The following HSPG2 variants were observed in gnomAD, a reference collection of about 807,000 sequenced individuals.
The protein encoded by HSPG2 is heparan sulfate proteoglycan 2.
A neutral mutation model predicts 526.6 loss-of-function variants in HSPG2; 278 were observed. The ratio of observed to expected loss-of-function variants is 0.53; its 90% CI spans 0.48 to 0.58. HSPG2 has a LOEUF of 0.58. HSPG2 is among the 20% of genes least tolerant of loss of function. The probability of loss-of-function intolerance (pLI) is 0.00; values close to 1 mark genes in which losing one functional copy is unlikely to be tolerated. For synonymous variants in HSPG2, 2,465 were observed against 2,555.4 expected (o/e 0.96, Z 1.07); for missense variants, 5,354 against 6,099.5 (o/e 0.88, Z 4.07).
chr1:21,914,358 C>T (rs1361484458), intron 1 of HSPG2, among the ~76,000 whole-genome samples: 1 of 151,860 alleles, frequency 6.6e-6, no homozygotes, highest in African/African-American at 2.4e-5. Context: ...CACCCAGGCA[C>T]CAGGAGCAGC....
chr1:21,865,340 G>C lies in HSPG2; in HGVS notation c.4340C>G (p.Ser1447Cys). 6.2e-7 allele frequency: 1 copy of C among 1,614,140 alleles called. No individual in the cohort carries two copies. Among genetic ancestry groups the C allele is most frequent in the Non-Finnish European group, 8.5e-7 (1 of 1,180,020 alleles). ...CTCAGGGCCCTGCAGCGCTGGCTGG[G>C]AGGCCACTAGCATGATGTTGTTGCC... is the stretch of plus-strand genomic sequence containing the variant. ...ITGNNIMLVA[S>C]QPALQGPERR... is the part of the protein sequence containing the mutation. Residue 1447 changes from serine to cysteine, a missense_variant, in exon 35 of 97, where the codon TCC becomes TGC. Transcript: ENST00000374695. The surrounding 1 kb of genome is among the most constrained non-coding windows in gnomAD (Gnocchi z 5.4).
intron 1 of HSPG2, among the ~76,000 whole-genome samples, chr1:21,923,922 C>G (rs751831734): frequency 6.6e-6 from 1 of 152,148 alleles, no homozygotes; most frequent in Non-Finnish European, 1.5e-5. Context: ...CTTGGGATCA[C>G]GTAAGAGTTT....
intron 1 of HSPG2, among the ~76,000 whole-genome samples, chr1:21,935,237 G>C (rs553305211): frequency 2.0e-5 from 3 of 152,312 alleles, no homozygotes; most frequent in East Asian, 1.9e-4. Flanking sequence ...TTTATAAAGA[G>C]ACTTCAGGGG....
At position 21,847,428 on chromosome 1, in the gene HSPG2, C is replaced by T. The variant is rs757800931; in HGVS notation, c.8090G>A (p.Arg2697Gln). ...SVADSGEYVC[R>Q]ANNNIDALEA... ...CAGGGCATCGATGTTGTTGTTGGCC[C>T]GGCACACATACTCGCCCGAGTCAGC... is the stretch of plus-strand genomic sequence containing the variant. Residue 2697 changes from arginine (R) to glutamine (Q), a missense_variant, in exon 62 of 97, where the codon CGG (arginine) becomes CAG (glutamine). Coordinates refer to ENST00000374695, the MANE Select transcript of HSPG2 (RefSeq NM_005529.7). This position sits in a 1 kb window ranked among gnomAD's most constrained non-coding sequence, Gnocchi z 4.1. 1.2e-5 allele frequency: 20 copies of T among 1,613,800 alleles called. No homozygotes were observed. The highest frequency in any genetic ancestry group is 3.3e-5 in the Admixed American group (2 of 60,000).
At position 21,865,138 on chromosome 1, in the gene HSPG2, C is replaced by T. The variant is rs1159914919; in HGVS notation, c.4396-65G>A. ...TTGTGGGCTGCTCCTACAGTTACCA[C>T]CCCCCAAATCCTGCCTTACAGGCAC... On this transcript the variant is annotated intron_variant, in intron 35 of 96. Transcript: ENST00000374695. The surrounding 1 kb of genome is among the most constrained non-coding windows in gnomAD (Gnocchi z 5.4). 6.6e-7 allele frequency: 1 copy of T among 1,522,384 alleles called. No homozygotes were observed. The highest frequency in any genetic ancestry group is 9.0e-7 in the Non-Finnish European group (1 of 1,105,884). 94.3% of individuals were successfully genotyped at this position (1,522,384 alleles called of 1,614,324 possible).
At chr1:21,832,948 G>C in intron 80 of HSPG2, 1 of 556,954 alleles carries the variant, frequency 1.8e-6, no homozygotes, top group Non-Finnish European at 3.2e-6. Context: ...GGAGGAAAGG[G>C]TGAGATGGAG....
At chr1:21,931,204 C>G (rs1363797466) in intron 1 of HSPG2, among the ~76,000 whole-genome samples, 1 of 152,262 alleles carries the variant, frequency 6.6e-6, no homozygotes, top group East Asian at 1.9e-4. Flanking sequence ...GCCACCCCAG[C>G]AGCCACGAGC....
chr1:21,845,084 A>G (rs1440719733), intron 64 of HSPG2, among the ~76,000 whole-genome samples: 1 of 152,132 alleles, frequency 6.6e-6, no homozygotes, highest in Non-Finnish European at 1.5e-5. Context: ...CGTCTCTACT[A>G]AAAATACAAA....
In HSPG2 at chr1:21,833,519, G is replaced by A. The variant is rs547123067; in HGVS notation, c.10926C>T (p.Thr3642=). 45 of 1,614,132 alleles carry A rather than the reference G, an allele frequency of 2.8e-5. No homozygotes were observed. Among genetic ancestry groups the A allele is most frequent in the Admixed American group, 5.0e-5 (3 of 60,014 alleles). The change falls in exon 79 of 97, where the codon ACC becomes ACT. Residue 3642 remains threonine, a synonymous_variant. Transcript: ENST00000374695. The part of the protein sequence containing the change: ...RPQDAGTYVC[T]ATNRQGKVKA... ...TGACCTTGCCCTGGCGGTTAGTGGCGGTGCAGACGTAGGTACCTGCGTCCT... is the reference window on the plus strand; with the variant it reads ...TGACCTTGCCCTGGCGGTTAGTGGCAGTGCAGACGTAGGTACCTGCGTCCT...
rs183830147 is a variant in HSPG2, at chr1:21,890,340, G to A, written c.413+87C>T. ...CGACTCATCCCATAGGCCTTTCCGC[G>A]GTGCCAGGCTTCCTTCCCATCCTCA... On this transcript the variant is annotated intron_variant, in intron 5 of 96. Transcript: ENST00000374695. The surrounding 1 kb of genome is among the most constrained non-coding windows in gnomAD (Gnocchi z 4.1). 15 of 1,402,616 alleles carry A rather than the reference G, an allele frequency of 1.1e-5. No homozygotes were observed. The highest frequency in any genetic ancestry group is 3.5e-5 in the South Asian group (3 of 86,828). The allele number at this position is 1,402,616 out of a possible 1,614,324, so 86.9% of individuals were successfully genotyped here.
chr1:21,848,063 C>T lies in HSPG2; in HGVS notation c.7768G>A (p.Val2590Met). 6.2e-7 allele frequency: 1 copy of T among 1,612,086 alleles called. No individual in the cohort carries two copies. The highest frequency in any genetic ancestry group is 1.3e-5 in the African/African-American group (1 of 74,996). Residue 2590 changes from valine (V) to methionine (M), a missense_variant, in exon 60 of 97, where the codon GTG (valine) becomes ATG (methionine). Physicochemically the swap from Val to Met is conservative, Grantham distance 21. Transcript: ENST00000374695. This position sits in a 1 kb window ranked among gnomAD's most constrained non-coding sequence, Gnocchi z 4.9. ...IVGSRLRIPQ[V>M]TPADSGEYVC... ...TACTCGCCCGAGTCTGCCGGAGTCA[C>T]CTGAGGGATCCGCAGCCGGGAGCCC... is the stretch of plus-strand genomic sequence containing the variant.
rs764619079 is a variant in HSPG2, at chr1:21,829,465, C to G, written c.11910G>C (p.Gly3970=). The change falls in exon 87 of 97, where the codon GGG becomes GGC. Residue 3970 remains glycine, a synonymous_variant. Coordinates refer to ENST00000374695, the MANE Select transcript of HSPG2 (RefSeq NM_005529.7). ...AGTCCTCCACAGGCCCGCTCTTCCCCCCGCTGAACAGCAGGACCCCGTCAG... is the reference window on the plus strand; with the variant it reads ...AGTCCTCCACAGGCCCGCTCTTCCCGCCGCTGAACAGCAGGACCCCGTCAG... ...LAPDGVLLFS[G]GKSGPVEDFV... is the part of the protein sequence containing the mutation. 5 of 1,613,278 alleles carry G rather than the reference C, an allele frequency of 3.1e-6. No individual in the cohort carries two copies. In the South Asian group the frequency reaches 4.4e-5, roughly 14 times the overall value.
At chr1:21,910,462 C>T (rs1185149376) in intron 1 of HSPG2, among the ~76,000 whole-genome samples, 1 of 152,236 alleles carries the variant, frequency 6.6e-6, no homozygotes, top group African/African-American at 2.4e-5. Flanking sequence ...TCAACTCTGC[C>T]ATCGATCTTC....
chr1:21,872,208 G>A lies in HSPG2; in HGVS notation c.4199C>T (p.Pro1400Leu), dbSNP rs374895557. 12 of 1,551,726 alleles carry A rather than the reference G, an allele frequency of 7.7e-6. No homozygotes were observed. The highest frequency in any genetic ancestry group is 1.2e-5 in the South Asian group (1 of 84,076). ...LGHESFYWQL[P>L]ETYQGDKVAA... is the part of the protein sequence containing the mutation. Reference sequence around the variant, plus strand: ...CACCTTGTCTCCCTGGTATGTCTCCGGCAGCTGCCAGTAGAAGGACTCATG... The same window carrying A: ...CACCTTGTCTCCCTGGTATGTCTCCAGCAGCTGCCAGTAGAAGGACTCATG... Residue 1400 changes from proline (P) to leucine (L), a missense_variant, in exon 33 of 97, where the codon CCG (proline) becomes CTG (leucine). By Grantham distance (98) the Pro-to-Leu change is moderately conservative (BLOSUM62 -3). Transcript: ENST00000374695. This position sits in a 1 kb window ranked among gnomAD's most constrained non-coding sequence, Gnocchi z 5.5.
At chr1:21,889,691 G>A in intron 6 of HSPG2, 1 of 447,154 alleles carries the variant, frequency 2.2e-6, no homozygotes, top group Non-Finnish European at 4.1e-6. Context: ...AAGTACTAAT[G>A]TGTTTTGGAC....
Position 21,848,985 on chromosome 1 carries a change from G to C in HSPG2, c.7493C>G (p.Ser2498Ter). 1.2e-6 allele frequency: 2 copies of C among 1,614,080 alleles called. No homozygotes were observed. Among genetic ancestry groups the C allele is most frequent in the Non-Finnish European group, 1.7e-6 (2 of 1,180,028 alleles). Reference sequence around the variant, plus strand: ...GACCACACGGCACACGTACTCCCCTGAATCAGCTGGGGTCACCTGGAGCAG... The same window carrying C: ...GACCACACGGCACACGTACTCCCCTCAATCAGCTGGGGTCACCTGGAGCAG... ...LRLLQVTPAD[S>*]GEYVCRVVGS... is the part of the protein sequence containing the mutation. Residue 2498 changes from serine (S) to a stop codon, truncating the protein, a stop_gained, in exon 58 of 97, where the codon TCA becomes TGA. Coordinates refer to ENST00000374695, the MANE Select transcript of HSPG2 (RefSeq NM_005529.7). LOFTEE classifies it high-confidence loss of function. This position sits in a 1 kb window ranked among gnomAD's most constrained non-coding sequence, Gnocchi z 4.9.
At chr1:21,906,064 G>A (rs1038286613) in intron 1 of HSPG2, among the ~76,000 whole-genome samples, 3 of 152,212 alleles carry the variant, frequency 2.0e-5, no homozygotes, top group South Asian at 2.1e-4. Flanking sequence ...AGGAGCCTGA[G>A]GCTCAGAGAG....
chr1:21,935,744 A>G (rs1644471856), intron 1 of HSPG2, among the ~76,000 whole-genome samples: 2 of 152,202 alleles, frequency 1.3e-5, no homozygotes, highest in Non-Finnish European at 2.9e-5. Context: ...AAAACATCCC[A>G]CGTGCTAGGT....
chr1:21,832,407 C>G (rs1232374851), intron 81 of HSPG2, 88 bp downstream of exon 81: 14 of 1,093,134 alleles, frequency 1.3e-5, no homozygotes, highest in Non-Finnish European at 2.0e-5. Context: ...CTCCAGATCT[C>G]CTTTGTATAA....
Sources: allele counts gnomAD v4.1 joint callset (sites outside exome capture counted in the v4.1 genomes callset), GRCh38; gene constraint gnomAD v4.1.1; non-coding constraint Gnocchi (gnomAD v3.1); transcripts MANE v1.5; gene names NCBI Gene and HGNC (gene_info 2026-07-23, HGNC 2026-07-21).